PRKN: variants seen among roughly 807,000 people sequenced by gnomAD.
The protein encoded by PRKN is parkin RBR E3 ubiquitin protein ligase, also known as E3 ubiquitin-protein ligase parkin.
PRKN carries 56 observed loss-of-function variants against 59.5 expected under a neutral mutation model. That is an observed-to-expected ratio of 0.94 (90% CI 0.76 to 1.18). The LOEUF is 1.18. Ranked by LOEUF, PRKN falls within the 50% of genes most tolerant of loss-of-function variation. PRKN has a pLI of 0.00. For missense variants in PRKN, 657 were observed against 596.4 expected (o/e 1.10, Z -1.06); for synonymous variants, 250 against 222.1 (o/e 1.13, Z -1.12).
chr6:161,441,362 T>C (rs1334915287), intron 9 of PRKN, among the ~76,000 whole-genome samples: 1 of 152,032 alleles, frequency 6.6e-6, no homozygotes, highest in Admixed American at 6.6e-5. Context: ...TCTGGGGTCC[T>C]GTCCAGGTGC....
Position 161,397,450 on chromosome 6 carries a change from C to T in PRKN, c.1084-10573G>A, listed in dbSNP as rs1786814210. Among the ~76,000 whole-genome samples the T allele has an allele frequency of 6.6e-6, 1 of 152,084 alleles. No individual in the cohort carries two copies. Among genetic ancestry groups the T allele is most frequent in the African/African-American group, 2.4e-5 (1 of 41,404 alleles). ...GTGGAGATAGCATTTGTTTTTCTGCCCTTCACATTTGCCCCTTCAGGGAGC... is the reference window on the plus strand; with the variant it reads ...GTGGAGATAGCATTTGTTTTTCTGCTCTTCACATTTGCCCCTTCAGGGAGC... On this transcript the variant is annotated intron_variant, in intron 9 of 11. Coordinates refer to ENST00000366898, the MANE Select transcript of PRKN (RefSeq NM_004562.3). The surrounding 1 kb of genome is among the most constrained non-coding windows in gnomAD (Gnocchi z 4.2).
In PRKN at chr6:161,581,779, G is replaced by A. The variant is rs1429294274; in HGVS notation, c.872-12363C>T. On this transcript the variant is annotated intron_variant, in intron 7 of 11. Coordinates refer to ENST00000366898, the MANE Select transcript of PRKN (RefSeq NM_004562.3). The surrounding 1 kb of genome is among the most constrained non-coding windows in gnomAD (Gnocchi z 4.5). Reference sequence around the variant, plus strand: ...TGAGGGATGGGAAAGTGGTCCTGCCGAGCTGCTAGTGCAGAGGGTGTGGAA... The same window carrying A: ...TGAGGGATGGGAAAGTGGTCCTGCCAAGCTGCTAGTGCAGAGGGTGTGGAA... Among the ~76,000 whole-genome samples the A allele has an allele frequency of 1.3e-5, 2 of 152,146 alleles. No homozygotes were observed. The highest frequency in any genetic ancestry group is 2.9e-5 in the Non-Finnish European group (2 of 68,040).
intron 2 of PRKN, among the ~76,000 whole-genome samples, chr6:162,372,344 G>C (rs1325832376): frequency 6.6e-6 from 1 of 152,114 alleles, no homozygotes; most frequent in Non-Finnish European, 1.5e-5. Flanking sequence ...CCAGAAACTT[G>C]TCCCTGGAGA....
chr6:162,104,010 C>T lies in PRKN; in HGVS notation c.535-49836G>A, dbSNP rs988337187. 2.0e-5 allele frequency among the ~76,000 whole-genome samples: 3 copies of T among 152,214 alleles called. No homozygotes were observed. The South Asian group carries it at 6.2e-4, about 32-fold the overall frequency. ...TGGAGGTGAGGGCCACAGAGCAAAG[C>T]CCCTCCATGAAGGGCTCAAAGCAAA... On this transcript the variant is annotated intron_variant, in intron 4 of 11. Transcript: ENST00000366898.
intron 1 of PRKN, chr6:162,569,640 C>A: frequency 1.4e-6 from 1 of 698,474 alleles, no homozygotes; most frequent in Admixed American, 1.9e-5. Context: ...TTCAGCTGCA[C>A]CAGCTCCACC....
chr6:162,202,933 T>C (rs979297852), intron 3 of PRKN, among the ~76,000 whole-genome samples: 2 of 152,032 alleles, frequency 1.3e-5, no homozygotes, highest in Non-Finnish European at 2.9e-5. Flanking sequence ...CAAATCCAAT[T>C]TCACAATTTT....
intron 1 of PRKN, among the ~76,000 whole-genome samples, chr6:162,674,755 G>A (rs541239825): frequency 1.4e-4 from 22 of 152,256 alleles, no homozygotes; most frequent in African/African-American, 4.6e-4. Flanking sequence ...AGAGTGGGAA[G>A]AAAGAATAGA....
At chr6:161,479,238 C>A (rs16892589) in intron 9 of PRKN, among the ~76,000 whole-genome samples, 1 of 152,046 alleles carries the variant, frequency 6.6e-6, no homozygotes, top group Non-Finnish European at 1.5e-5. Context: ...ATATTTAGTA[C>A]GTACATGCCC....
chr6:162,702,888 T>G (rs973165893), intron 1 of PRKN, among the ~76,000 whole-genome samples: 1 of 152,204 alleles, frequency 6.6e-6, no homozygotes, highest in African/African-American at 2.4e-5. Flanking sequence ...CTCCACTGCA[T>G]GTACATGGTT....
At chr6:162,364,011 C>G (rs547207520) in intron 2 of PRKN, among the ~76,000 whole-genome samples, 1 of 152,264 alleles carries the variant, frequency 6.6e-6, no homozygotes, top group African/African-American at 2.4e-5. Flanking sequence ...TGCTTCATTC[C>G]CTGCACACAA....
chr6:161,907,306 G>A (rs1428478984), intron 6 of PRKN, among the ~76,000 whole-genome samples: 1 of 152,028 alleles, frequency 6.6e-6, no homozygotes, highest in Non-Finnish European at 1.5e-5. Context: ...AATCGTCAAG[G>A]GTTTTGAGAC....
intron 1 of PRKN, among the ~76,000 whole-genome samples, chr6:162,555,647 T>G (rs567009271): frequency 6.6e-6 from 1 of 152,090 alleles, no homozygotes; most frequent in African/African-American, 2.4e-5. Context: ...AAAAAAAAAT[T>G]TAAGTTTCAT....
chr6:161,631,772 AACAC>A (rs147449873), intron 7 of PRKN, among the ~76,000 whole-genome samples: 1 of 150,358 alleles, frequency 6.7e-6, no homozygotes, highest in African/African-American at 2.5e-5. Context: ...CACCCAGACA[AACAC>A]ACACACACAC....
intron 6 of PRKN, among the ~76,000 whole-genome samples, chr6:161,911,029 T>C (rs1377433343): frequency 6.6e-6 from 1 of 152,248 alleles, no homozygotes; most frequent in African/African-American, 2.4e-5. Context: ...TTTACTGTGA[T>C]GTTTGCTTCG....
chr6:161,686,227 A>G lies in PRKN; in HGVS notation c.871+99545T>C, dbSNP rs145757230. On this transcript the variant is annotated intron_variant, in intron 7 of 11. Coordinates refer to ENST00000366898, the MANE Select transcript of PRKN (RefSeq NM_004562.3). ...TAATTATCAATGCCACCTTTCAGCC[A>G]TGGTTCTCCATTTTTATAAGTGGAT... Among the ~76,000 whole-genome samples, 361 of 152,280 alleles carry G rather than the reference A, an allele frequency of 2.4e-3. 1 individual carries two copies. Among genetic ancestry groups the G allele is most frequent in the Middle Eastern group, 0.014 (4 of 294 alleles).
chr6:162,313,147 AT>A (rs1311331335), intron 2 of PRKN, among the ~76,000 whole-genome samples: 1 of 152,134 alleles, frequency 6.6e-6, no homozygotes, highest in African/African-American at 2.4e-5. Context: ...CATCTTACCC[AT>A]CTCTAAGTGT....
intron 9 of PRKN, among the ~76,000 whole-genome samples, chr6:161,493,927 C>T (rs1175283448): frequency 6.6e-6 from 1 of 152,166 alleles, no homozygotes; most frequent in East Asian, 1.9e-4. Flanking sequence ...AGGGCTATCT[C>T]CGCACAGACA....
At chr6:162,309,387 A>G (rs1043927737) in intron 2 of PRKN, among the ~76,000 whole-genome samples, 5 of 151,992 alleles carry the variant, frequency 3.3e-5, no homozygotes, top group Admixed American at 2.6e-4. Flanking sequence ...CTGTTCTCGA[A>G]CTCCTGACCT....
chr6:162,238,891 T>A (rs1778861644), intron 3 of PRKN, among the ~76,000 whole-genome samples: 2 of 152,180 alleles, frequency 1.3e-5, no homozygotes, highest in Non-Finnish European at 2.9e-5. Context: ...ACGTGTGCAG[T>A]GCCCGAAGGG....
Sources: allele counts gnomAD v4.1 joint callset (sites outside exome capture counted in the v4.1 genomes callset), GRCh38; gene constraint gnomAD v4.1.1; non-coding constraint Gnocchi (gnomAD v3.1); transcripts MANE v1.5; gene names NCBI Gene and HGNC (gene_info 2026-07-23, HGNC 2026-07-21).